The following SRD5A1 variants were observed in gnomAD, a reference collection of about 807,000 sequenced individuals.
The protein encoded by SRD5A1 is steroid 5 alpha-reductase 1.
A neutral mutation model predicts 28.2 loss-of-function variants in SRD5A1; 22 were observed. The ratio of observed to expected loss-of-function variants is 0.78; its 90% CI spans 0.56 to 1.12. The LOEUF is 1.12. Ranked by LOEUF, SRD5A1 falls within the 50% of genes most tolerant of loss-of-function variation. The pLI is 0.00. For synonymous variants in SRD5A1, 151 were observed against 135.0 expected, an observed-to-expected ratio of 1.12 and a Z score of -0.82; for missense variants, 300 against 346.7, an observed-to-expected ratio of 0.87 and a Z score of 1.07.
At chr5:6,652,617 A>G (rs1465326872) in intron 2 of SRD5A1, among the ~76,000 whole-genome samples, 3 of 152,196 alleles carry the variant, frequency 2.0e-5, no homozygotes, top group African/African-American at 7.2e-5. Context: ...TCACACTGTA[A>G]TCCTAGCACT....
In SRD5A1 at chr5:6,674,311, T is replaced by A. The variant is rs1739444925; in HGVS notation, c.*6043T>A. On this transcript the variant is annotated 3_prime_UTR_variant, in exon 5 of 5. Transcript: ENST00000274192. ...GAGAGATATGTGAGAACTCTGTACTTTCTTTTCAATGTTTCTGTAAACATA... is the reference window on the plus strand; with the variant it reads ...GAGAGATATGTGAGAACTCTGTACTATCTTTTCAATGTTTCTGTAAACATA... The A allele has an allele frequency of 6.6e-6, 1 of 152,182 alleles. No homozygotes were observed. Among genetic ancestry groups the A allele is most frequent in the Admixed American group, 6.5e-5 (1 of 15,274 alleles). 9.4% of individuals were successfully genotyped at this position (152,182 alleles called of 1,614,324 possible).
Position 6,666,384 on chromosome 5 carries a change from G to A in SRD5A1, c.714-1818G>A, listed in dbSNP as rs1010309045. On this transcript the variant is annotated intron_variant, in intron 4 of 4. Transcript: ENST00000274192. ...AGGATGGTCTTGATCTCCTGACCTC[G>A]TGATTTGCCCGCCTCAGCCTCCCAA... Among the ~76,000 whole-genome samples, 13 of 152,122 alleles carry A rather than the reference G, an allele frequency of 8.5e-5. 1 individual carries two copies. Among genetic ancestry groups the A allele is most frequent in the South Asian group, 4.1e-4 (2 of 4,834 alleles).
intron 1 of SRD5A1, among the ~76,000 whole-genome samples, chr5:6,642,548 T>C (rs777991588): frequency 1.3e-5 from 2 of 152,208 alleles, no homozygotes; most frequent in Non-Finnish European, 2.9e-5. Context: ...TTCTTTTAAT[T>C]TTAATAGCAT....
chr5:6,663,662 C>T (rs1739076651), intron 4 of SRD5A1, among the ~76,000 whole-genome samples: 1 of 152,194 alleles, frequency 6.6e-6, no homozygotes, highest in Non-Finnish European at 1.5e-5. Flanking sequence ...GAGTTCAAGA[C>T]TCACCTGGCC....
intron 1 of SRD5A1, among the ~76,000 whole-genome samples, chr5:6,647,528 C>T (rs75796730): frequency 6.6e-6 from 1 of 151,652 alleles, no homozygotes; most frequent in African/African-American, 2.4e-5. Flanking sequence ...TACCATTATG[C>T]CCTTCTTCGT....
chr5:6,637,413 G>T (rs1324490846), intron 1 of SRD5A1, among the ~76,000 whole-genome samples: 1 of 152,038 alleles, frequency 6.6e-6, no homozygotes, highest in Non-Finnish European at 1.5e-5. Context: ...CTCTACCCTC[G>T]TTTGTAAATC....
chr5:6,642,078 A>G (rs1445709848), intron 1 of SRD5A1, among the ~76,000 whole-genome samples: 2 of 152,224 alleles, frequency 1.3e-5, no homozygotes, highest in Non-Finnish European at 2.9e-5. Flanking sequence ...AATTCAAAAT[A>G]TATTATCTTA....
At chr5:6,638,107 G>A (rs180751583) in intron 1 of SRD5A1, among the ~76,000 whole-genome samples, 50 of 152,326 alleles carry the variant, frequency 3.3e-4, no homozygotes, top group Non-Finnish European at 5.4e-4. Flanking sequence ...GGGAGGCCGA[G>A]GAAGGTGGAT....
At chr5:6,654,802 A>C (rs1334445041) in intron 2 of SRD5A1, among the ~76,000 whole-genome samples, 1 of 152,240 alleles carries the variant, frequency 6.6e-6, no homozygotes, top group East Asian at 1.9e-4. Context: ...TTTTCTTCCA[A>C]TCTAAGCAAT....
chr5:6,641,073 C>A (rs1457207286), intron 1 of SRD5A1, among the ~76,000 whole-genome samples: 1 of 152,150 alleles, frequency 6.6e-6, no homozygotes, highest in Non-Finnish European at 1.5e-5. Flanking sequence ...GTAGTCTGGG[C>A]CGCAGACTGA....
intron 4 of SRD5A1, among the ~76,000 whole-genome samples, chr5:6,664,338 G>A (rs1339936892): frequency 6.6e-5 from 10 of 152,180 alleles, no homozygotes; most frequent in African/African-American, 2.4e-4. Flanking sequence ...GCCTCACCAC[G>A]AGTTTGCAGA....
chr5:6,650,557 A>G (rs1738639287), intron 1 of SRD5A1, among the ~76,000 whole-genome samples: 1 of 152,134 alleles, frequency 6.6e-6, no homozygotes, highest in Non-Finnish European at 1.5e-5. Context: ...ATAATTTTCT[A>G]ATTTCTTGTC....
chr5:6,656,692 G>A (rs941632943), intron 3 of SRD5A1, among the ~76,000 whole-genome samples: 3 of 152,120 alleles, frequency 2.0e-5, no homozygotes, highest in Admixed American at 6.5e-5. Context: ...ACCCAGATTC[G>A]CACTACTTGT....
At chr5:6,666,418 A>G (rs369734098) in intron 4 of SRD5A1, among the ~76,000 whole-genome samples, 75 of 152,284 alleles carry the variant, frequency 4.9e-4, no homozygotes, top group East Asian at 2.1e-3. Context: ...AAAGCACTGG[A>G]ATTACAGGCG....
chr5:6,656,046 GC>G (rs1247007126), intron 2 of SRD5A1, 31 bp from the exon 3 acceptor site: 1 of 1,554,822 alleles, frequency 6.4e-7, no homozygotes, highest in East Asian at 2.2e-5. Context: ...CGGTTTATTA[GC>G]CATAATCATC....
intron 3 of SRD5A1, among the ~76,000 whole-genome samples, chr5:6,660,409 G>T (rs1738966437): frequency 6.6e-6 from 1 of 152,234 alleles, no homozygotes; most frequent in South Asian, 2.1e-4. Context: ...TCTGCCCTTT[G>T]GGTGACTGGC....
At position 6,666,798 on chromosome 5, in the gene SRD5A1, TG is replaced by T. The variant is rs550726597; in HGVS notation, c.714-1397del. Among the ~76,000 whole-genome samples the T allele has an allele frequency of 1.4e-3, 220 of 152,058 alleles. 1 individual carries two copies. The highest frequency in any genetic ancestry group is 5.1e-3 in the African/African-American group (213 of 41,494). ...AGCCCAGCCTTGCTGCCCAGCCTGG[TG>T]GGGGGGCGCGTTTTCTCGGCATCCT... On this transcript the variant is annotated intron_variant, in intron 4 of 4. Coordinates refer to ENST00000274192, the MANE Select transcript of SRD5A1 (RefSeq NM_001047.4).
At chr5:6,665,194 C>T (rs898022592) in intron 4 of SRD5A1, among the ~76,000 whole-genome samples, 5 of 152,206 alleles carry the variant, frequency 3.3e-5, no homozygotes, top group Admixed American at 2.0e-4. Flanking sequence ...CCCAGGAACA[C>T]GTGGTGCCAC....
chr5:6,657,575 G>C (rs1738872324), intron 3 of SRD5A1, among the ~76,000 whole-genome samples: 1 of 152,232 alleles, frequency 6.6e-6, no homozygotes, highest in Non-Finnish European at 1.5e-5. Context: ...GAGCTGCCAT[G>C]AGCCAGACTA....
Sources: allele counts gnomAD v4.1 joint callset (sites outside exome capture counted in the v4.1 genomes callset), GRCh38; gene constraint gnomAD v4.1.1; transcripts MANE v1.5; gene names NCBI Gene and HGNC (gene_info 2026-07-23, HGNC 2026-07-21).